NHEJ1: variants seen among roughly 807,000 people sequenced by gnomAD.
NHEJ1 encodes the protein non-homologous end-joining factor 1.
A neutral mutation model predicts 39.4 loss-of-function variants in NHEJ1; 22 were observed. The observed-to-expected ratio is 0.56, with a 90% CI of 0.40 to 0.80. The LOEUF is 0.80. Among genes scored for constraint, NHEJ1 ranks in the 30% least tolerant of loss-of-function variants. The pLI, the probability that NHEJ1 is intolerant of heterozygous loss-of-function variation, is 0.00. For synonymous variants in NHEJ1, 154 were observed against 135.6 expected, an observed-to-expected ratio of 1.14 and a Z score of -0.94; for missense variants, 329 against 357.1, an observed-to-expected ratio of 0.92 and a Z score of 0.63.
chr2:219,085,127 T>G (rs541704113), intron 5 of NHEJ1, among the ~76,000 whole-genome samples: 1 of 152,314 alleles, frequency 6.6e-6, no homozygotes, highest in East Asian at 1.9e-4. Flanking sequence ...GCCATAAAAA[T>G]AGCTAACAGT....
chr2:219,094,098 G>C (rs926912053), intron 5 of NHEJ1, among the ~76,000 whole-genome samples: 1 of 152,160 alleles, frequency 6.6e-6, no homozygotes, highest in African/African-American at 2.4e-5. Context: ...TTGAGTTATC[G>C]GCCACCAGTT....
At chr2:219,083,330 T>C (rs529791245) in intron 5 of NHEJ1, among the ~76,000 whole-genome samples, 2 of 151,746 alleles carry the variant, frequency 1.3e-5, no homozygotes, top group Admixed American at 1.3e-4. Context: ...CCAACTGCAG[T>C]AGTAAAAGGC....
At chr2:219,127,571 A>G (rs1949537355) in intron 5 of NHEJ1, among the ~76,000 whole-genome samples, 1 of 152,096 alleles carries the variant, frequency 6.6e-6, no homozygotes, top group African/African-American at 2.4e-5. Flanking sequence ...CTTAAATTCC[A>G]CCAACTCTGC....
chr2:219,120,637 G>A (rs955095529), intron 5 of NHEJ1, among the ~76,000 whole-genome samples: 4 of 152,110 alleles, frequency 2.6e-5, no homozygotes, highest in African/African-American at 7.2e-5. Flanking sequence ...TGAAGAAGAG[G>A]CGATATTTAT....
chr2:219,084,170 C>T (rs950748554), intron 5 of NHEJ1, among the ~76,000 whole-genome samples: 3 of 151,960 alleles, frequency 2.0e-5, no homozygotes, highest in Admixed American at 6.6e-5. Flanking sequence ...CCACGCCTGG[C>T]TAATTTTTGT....
chr2:219,151,501 G>GT (rs1410161605), intron 3 of NHEJ1, among the ~76,000 whole-genome samples: 1 of 152,120 alleles, frequency 6.6e-6, no homozygotes, highest in Non-Finnish European at 1.5e-5. Flanking sequence ...TTTAAAGAAA[G>GT]TTTTTTTATC....
In NHEJ1 at chr2:219,080,156, T is replaced by C. The variant is rs564808361; in HGVS notation, c.589-1950A>G. 5.3e-5 allele frequency among the ~76,000 whole-genome samples: 8 copies of C among 152,268 alleles called. No homozygotes were observed. The South Asian group carries it at 1.7e-3, about 32-fold the overall frequency. ...TCCCCTTCTCAGAGAGATCTGGTCCTGCAGTTGCTGGCAAAGTTATTCCAC... is the reference window on the plus strand; with the variant it reads ...TCCCCTTCTCAGAGAGATCTGGTCCCGCAGTTGCTGGCAAAGTTATTCCAC... On this transcript the variant is annotated intron_variant, in intron 5 of 7. Coordinates refer to ENST00000356853, the MANE Select transcript of NHEJ1 (RefSeq NM_024782.3).
chr2:219,089,808 T>C (rs980937560), intron 5 of NHEJ1, among the ~76,000 whole-genome samples: 4 of 152,244 alleles, frequency 2.6e-5, no homozygotes, highest in Non-Finnish European at 4.4e-5. Flanking sequence ...ATTCTCCCCA[T>C]CTTTTTTGCC....
rs890161466 is a variant in NHEJ1 at position 219,110,567 on chromosome 2, G to A, written c.589-32361C>T. 1.1e-4 allele frequency among the ~76,000 whole-genome samples: 17 copies of A among 149,686 alleles called. 1 individual carries two copies. Among genetic ancestry groups the A allele is most frequent in the Admixed American group, 6.6e-4 (10 of 15,052 alleles). ...TGTGTGGTATATTGGGTTATGGTAA[G>A]TGCTATGGAGAAAAGTACAGCAGAG... On this transcript the variant is annotated intron_variant, in intron 5 of 7. Transcript: ENST00000356853.
chr2:219,118,321 T>G (rs931473962), intron 5 of NHEJ1, among the ~76,000 whole-genome samples: 2 of 152,194 alleles, frequency 1.3e-5, no homozygotes, highest in Admixed American at 6.5e-5. Flanking sequence ...CAACAGACCC[T>G]AAGCCAGAAG....
At chr2:219,109,850 T>C (rs1949347916) in intron 5 of NHEJ1, among the ~76,000 whole-genome samples, 1 of 152,184 alleles carries the variant, frequency 6.6e-6, no homozygotes, top group African/African-American at 2.4e-5. Flanking sequence ...ATAAAAGGCA[T>C]ACCACAGATT....
chr2:219,130,035 A>T (rs1574730224), intron 5 of NHEJ1, among the ~76,000 whole-genome samples: 2 of 131,094 alleles, frequency 1.5e-5, no homozygotes. Context: ...TTTATATGGT[A>T]TGTCCCTTCT....
intron 5 of NHEJ1, among the ~76,000 whole-genome samples, chr2:219,087,390 T>TC (rs397702472): frequency 5.9e-5 from 9 of 151,770 alleles, no homozygotes; most frequent in South Asian, 2.1e-4. Flanking sequence ...CTTTTTTTTT[T>TC]CCCTGACTTG....
chr2:219,103,256 T>C (rs1164512156), intron 5 of NHEJ1, among the ~76,000 whole-genome samples: 1 of 151,858 alleles, frequency 6.6e-6, no homozygotes, highest in African/African-American at 2.4e-5. Context: ...TTTATTTATT[T>C]ATTTATTTTT....
chr2:219,098,899 T>A (rs1283556431), intron 5 of NHEJ1, among the ~76,000 whole-genome samples: 1 of 152,170 alleles, frequency 6.6e-6, no homozygotes, highest in African/African-American at 2.4e-5. Flanking sequence ...AAAGTTGAGT[T>A]TAACTATACA....
At position 219,077,236 on chromosome 2, in the gene NHEJ1, C is replaced by T; in HGVS notation, c.825+10G>A. On this transcript the variant is annotated intron_variant, in intron 7 of 7. Transcript: ENST00000356853. Reference sequence around the variant, plus strand: ...TCAGAACACCATCCAGGAAGCTGCTCATGACTCACCGTGGACTCTTTCTCA... The same window carrying T: ...TCAGAACACCATCCAGGAAGCTGCTTATGACTCACCGTGGACTCTTTCTCA... 6.2e-7 allele frequency: 1 copy of T among 1,603,808 alleles called. No individual in the cohort carries two copies. Among genetic ancestry groups the T allele is most frequent in the Non-Finnish European group, 8.5e-7 (1 of 1,170,738 alleles).
intron 5 of NHEJ1, among the ~76,000 whole-genome samples, chr2:219,123,527 C>T (rs147353128): frequency 7.0e-4 from 106 of 152,310 alleles, no homozygotes; most frequent in Admixed American, 4.4e-3. Flanking sequence ...AACCCATGTA[C>T]GCCTAGCCCT....
chr2:219,117,592 A>G (rs186152197), intron 5 of NHEJ1, among the ~76,000 whole-genome samples: 1 of 152,372 alleles, frequency 6.6e-6, no homozygotes, highest in African/African-American at 2.4e-5. Context: ...GAAATTTTAA[A>G]TAACAGAAAG....
chr2:219,135,756 T>C (rs987847111), intron 5 of NHEJ1, among the ~76,000 whole-genome samples: 1 of 152,188 alleles, frequency 6.6e-6, no homozygotes, highest in Non-Finnish European at 1.5e-5. Context: ...GCAGGCAAAT[T>C]GCTTGAGCCC....
Sources: allele counts gnomAD v4.1 joint callset (sites outside exome capture counted in the v4.1 genomes callset), GRCh38; gene constraint gnomAD v4.1.1; transcripts MANE v1.5; gene names NCBI Gene and HGNC (gene_info 2026-07-23, HGNC 2026-07-21).